The following ENOX1 variants were observed in gnomAD, a reference collection of about 807,000 sequenced individuals.
The protein encoded by ENOX1 is candidate growth-related and time keeping constitutive hydroquinone (NADH) oxidase.
A neutral mutation model predicts 82.5 loss-of-function variants in ENOX1; 42 were observed. That is an observed-to-expected ratio of 0.51 (90% CI 0.40 to 0.66). ENOX1 has a LOEUF of 0.66. Among genes scored for constraint, ENOX1 ranks in the 30% least tolerant of loss-of-function variants. The probability of loss-of-function intolerance (pLI) is 0.00; values close to 1 mark genes in which losing one functional copy is unlikely to be tolerated. For synonymous variants in ENOX1, 271 were observed against 282.2 expected (o/e 0.96, Z 0.40); for missense variants, 608 against 811.6 (o/e 0.75, Z 3.05).
At chr13:43,420,361 A>G (rs1477024960) in intron 3 of ENOX1, among the ~76,000 whole-genome samples, 1 of 152,220 alleles carries the variant, frequency 6.6e-6, no homozygotes, top group Non-Finnish European at 1.5e-5. Context: ...AAATCTTAAT[A>G]TCTTCCATCA....
At chr13:43,738,824 T>G (rs2089757027) in intron 1 of ENOX1, among the ~76,000 whole-genome samples, 1 of 152,238 alleles carries the variant, frequency 6.6e-6, no homozygotes, top group South Asian at 2.1e-4. Flanking sequence ...CAATTAAAAC[T>G]GCAAAGCAAG....
chr13:43,236,488 AATGT>A (rs2042557258), intron 15 of ENOX1, 144 bp downstream of exon 15: 1 of 495,490 alleles, frequency 2.0e-6, no homozygotes, highest in South Asian at 3.3e-5. Context: ...ACTAATTTGA[AATGT>A]ATGTAATATA....
At chr13:43,376,821 G>A (rs906836643) in intron 5 of ENOX1, among the ~76,000 whole-genome samples, 4 of 152,122 alleles carry the variant, frequency 2.6e-5, no homozygotes, top group African/African-American at 9.7e-5. Context: ...AGAGATATGA[G>A]TTGGGAGGAT....
At position 43,327,101 on chromosome 13, in the gene ENOX1, C is replaced by A. The variant is rs139308212; in HGVS notation, c.1037-576G>T. 2.5e-3 allele frequency among the ~76,000 whole-genome samples: 379 copies of A among 152,264 alleles called. 3 individuals are homozygous for A. The highest frequency in any genetic ancestry group is 8.5e-3 in the African/African-American group (352 of 41,552). ...CATTTTTCCTCCTTGGCTCCTTTTT[C>A]CTCCCCCTGTTGCACTGACTGCAGC... On this transcript the variant is annotated intron_variant, in intron 9 of 16. Coordinates refer to ENST00000690772, the MANE Select transcript of ENOX1 (RefSeq NM_001347969.2).
chr13:43,406,686 G>A (rs1326458204), intron 5 of ENOX1, among the ~76,000 whole-genome samples: 1 of 151,846 alleles, frequency 6.6e-6, no homozygotes, highest in Admixed American at 6.6e-5. Context: ...GTAGAGATGG[G>A]GTTTCACCGT....
chr13:43,413,300 G>A, intron 3 of ENOX1, among the ~76,000 whole-genome samples: 1 of 152,172 alleles, frequency 6.6e-6, no homozygotes, highest in East Asian at 1.9e-4. Context: ...GGGCTTATCA[G>A]TCCCTGCACA....
At chr13:43,330,722 T>C (rs547729201) in intron 9 of ENOX1, among the ~76,000 whole-genome samples, 1 of 152,172 alleles carries the variant, frequency 6.6e-6, no homozygotes, top group East Asian at 1.9e-4. Context: ...GTAAATGACC[T>C]TAAGGGCAGG....
At chr13:43,326,844 T>C (rs969760889) in intron 9 of ENOX1, among the ~76,000 whole-genome samples, 5 of 152,202 alleles carry the variant, frequency 3.3e-5, no homozygotes, top group Non-Finnish European at 7.3e-5. Context: ...TCTATAGATA[T>C]ATAGACACTG....
chr13:43,263,421 C>T (rs2044192274), intron 14 of ENOX1, among the ~76,000 whole-genome samples: 1 of 152,202 alleles, frequency 6.6e-6, no homozygotes. Context: ...AAGCCTACGT[C>T]ATAGACTCTA....
intron 5 of ENOX1, among the ~76,000 whole-genome samples, chr13:43,381,121 A>G (rs2052012171): frequency 6.6e-6 from 1 of 151,838 alleles, no homozygotes; most frequent in Non-Finnish European, 1.5e-5. Context: ...TCAAGATTAC[A>G]TGGGTATATT....
intron 2 of ENOX1, among the ~76,000 whole-genome samples, chr13:43,571,985 G>A (rs2080205656): frequency 6.6e-6 from 1 of 152,056 alleles, no homozygotes; most frequent in South Asian, 2.1e-4. Flanking sequence ...CCGGGGTAGT[G>A]AGCAGAAAGG....
intron 13 of ENOX1, among the ~76,000 whole-genome samples, chr13:43,267,000 C>T (rs2044412913): frequency 6.6e-6 from 1 of 152,190 alleles, no homozygotes; most frequent in African/African-American, 2.4e-5. Context: ...TCCATGATGT[C>T]CTCTAACTCT....
chr13:43,529,648 A>T (rs2078127687), intron 2 of ENOX1, among the ~76,000 whole-genome samples: 1 of 152,118 alleles, frequency 6.6e-6, no homozygotes, highest in Non-Finnish European at 1.5e-5. Flanking sequence ...GACGACATGT[A>T]CAGAAATGAG....
At position 43,265,525 on chromosome 13, in the gene ENOX1, T is replaced by C. The variant is rs1375986372; in HGVS notation, c.1555-71A>G. ...GCAAGCAAATCTCTTAAGTATATCATCTTGTTAACTGATTTATCTGAGGTT... is the reference window on the plus strand; with the variant it reads ...GCAAGCAAATCTCTTAAGTATATCACCTTGTTAACTGATTTATCTGAGGTT... On this transcript the variant is annotated intron_variant, in intron 13 of 16. Transcript: ENST00000690772. 5.6e-6 allele frequency: 7 copies of C among 1,255,080 alleles called. No individual in the cohort carries two copies. In the East Asian group the frequency reaches 1.6e-4, roughly 29 times the overall value. The allele number at this position is 1,255,080 out of a possible 1,614,324, so 77.7% of individuals were successfully genotyped here.
intron 12 of ENOX1, 139 bp downstream of exon 12, chr13:43,298,207 C>G (rs1286589978): frequency 1.2e-6 from 1 of 850,074 alleles, no homozygotes; most frequent in Non-Finnish European, 1.7e-6. Context: ...GTCATTAGCA[C>G]TTTTCTGTCC....
At chr13:43,643,654 C>T (rs2083764369) in intron 2 of ENOX1, among the ~76,000 whole-genome samples, 1 of 150,830 alleles carries the variant, frequency 6.6e-6, no homozygotes, top group Non-Finnish European at 1.5e-5. Context: ...TATATACACA[C>T]ACATATATAT....
intron 1 of ENOX1, among the ~76,000 whole-genome samples, chr13:43,735,179 C>G (rs116271569): frequency 6.6e-5 from 10 of 152,260 alleles, no homozygotes; most frequent in African/African-American, 2.4e-4. Flanking sequence ...CCCAAATACT[C>G]AATGTTTAAA....
chr13:43,655,857 C>T (rs1335639474), intron 2 of ENOX1, among the ~76,000 whole-genome samples: 2 of 152,064 alleles, frequency 1.3e-5, no homozygotes, highest in Non-Finnish European at 2.9e-5. Flanking sequence ...GGTGGGTTTC[C>T]TTGATTCCAC....
intron 12 of ENOX1, among the ~76,000 whole-genome samples, chr13:43,292,274 C>T (rs2046041539): frequency 1.3e-5 from 2 of 152,148 alleles, no homozygotes; most frequent in South Asian, 4.2e-4. Flanking sequence ...AAAATAACCT[C>T]TTGAAAATAA....
Sources: gnomAD v4.1 joint callset for allele counts (sites outside exome capture counted in the v4.1 genomes callset) on GRCh38, gnomAD v4.1.1 for gene constraint, MANE v1.5 for transcripts, NCBI Gene and HGNC (gene_info 2026-07-23, HGNC 2026-07-21) for gene names.